CAMTA1: variants seen among roughly 807,000 people sequenced by gnomAD.
CAMTA1 encodes the protein calmodulin-binding transcription activator 1.
A neutral mutation model predicts 170.9 loss-of-function variants in CAMTA1; 27 were observed. That is an observed-to-expected ratio of 0.16 (90% CI 0.12 to 0.22). CAMTA1 has a LOEUF of 0.22. Among genes scored for constraint, CAMTA1 ranks in the 10% least tolerant of loss-of-function variants. The pLI is 1.00. For synonymous variants in CAMTA1, 833 were observed against 891.5 expected (o/e 0.93, Z 1.17); for missense variants, 1,619 against 2,217.2 (o/e 0.73, Z 5.42).
chr1:7,512,386 C>A (rs2094213357), intron 6 of CAMTA1, among the ~76,000 whole-genome samples: 1 of 152,166 alleles, frequency 6.6e-6, no homozygotes, highest in African/African-American at 2.4e-5. Context: ...GATGCAATTT[C>A]AAATGGTGGG....
chr1:7,152,612 C>T (rs979001400), intron 4 of CAMTA1, among the ~76,000 whole-genome samples: 4 of 152,248 alleles, frequency 2.6e-5, no homozygotes, highest in Non-Finnish European at 5.9e-5. Flanking sequence ...TGTCAAGTGC[C>T]TCCTCAGGGA....
intron 3 of CAMTA1, among the ~76,000 whole-genome samples, chr1:6,961,320 G>A (rs1316549407): frequency 1.3e-5 from 2 of 152,176 alleles, no homozygotes; most frequent in African/African-American, 4.8e-5. Flanking sequence ...GAGGCCAGAG[G>A]GACTGACCTA....
At chr1:7,721,854 T>C (rs1405085488) in intron 11 of CAMTA1, among the ~76,000 whole-genome samples, 2 of 152,124 alleles carry the variant, frequency 1.3e-5, no homozygotes, top group African/African-American at 4.8e-5. Flanking sequence ...CCTCAGGTGA[T>C]CCGCCCACCT....
chr1:7,048,136 A>G (rs1705710275), intron 3 of CAMTA1, among the ~76,000 whole-genome samples: 1 of 151,944 alleles, frequency 6.6e-6, no homozygotes, highest in Non-Finnish European at 1.5e-5. Flanking sequence ...GGGAGGGTGG[A>G]GGCTTCCTGG....
Position 7,462,743 on chromosome 1 carries a change from G to T in CAMTA1, c.439-5087G>T, listed in dbSNP as rs765450359. Among the ~76,000 whole-genome samples, 29 of 152,148 alleles carry T rather than the reference G, an allele frequency of 1.9e-4. 2 individuals are homozygous for T. The highest frequency in any genetic ancestry group is 2.1e-4 in the South Asian group (1 of 4,826). The stretch of plus-strand genomic sequence containing the variant: ...CTCCTGCCGCTCCTCCCCTGCCCTG[G>T]CAGGGACCTAGTAACCCCCGAGGCC... On this transcript the variant is annotated intron_variant, in intron 5 of 22. Transcript: ENST00000303635.
chr1:6,913,883 T>C lies in CAMTA1; in HGVS notation c.234+88673T>C, dbSNP rs138356425. On this transcript the variant is annotated intron_variant, in intron 3 of 22. Transcript: ENST00000303635. ...GGCGTAGGAGCAGGTAATGATGAAT[T>C]TGGAGGCAAATGAGTAGTATTTTTG... Among the ~76,000 whole-genome samples, 176 of 152,076 alleles carry C rather than the reference T, an allele frequency of 1.2e-3. 2 individuals are homozygous for C. Among genetic ancestry groups the C allele is most frequent in the African/African-American group, 4.1e-3 (169 of 41,490 alleles).
At position 7,641,202 on chromosome 1, in the gene CAMTA1, T is replaced by G. The variant is rs1220450987; in HGVS notation, c.664+649T>G. Among the ~76,000 whole-genome samples the G allele has an allele frequency of 6.6e-6, 1 of 152,240 alleles. No homozygotes were observed. The highest frequency in any genetic ancestry group is 2.4e-5 in the African/African-American group (1 of 41,474). On this transcript the variant is annotated intron_variant, in intron 7 of 22. Transcript: ENST00000303635. The surrounding 1 kb of genome is among the most constrained non-coding windows in gnomAD (Gnocchi z 4.5). Reference sequence around the variant, plus strand: ...GCCGCTGGCGGCTCTCAGTGGCTTCTCCTGCCCCCTGTTCAGCGGGGCTCG... The same window carrying G: ...GCCGCTGGCGGCTCTCAGTGGCTTCGCCTGCCCCCTGTTCAGCGGGGCTCG...
intron 5 of CAMTA1, among the ~76,000 whole-genome samples, chr1:7,266,610 G>A (rs973280338): frequency 5.3e-5 from 8 of 152,226 alleles, no homozygotes; most frequent in African/African-American, 1.9e-4. Flanking sequence ...GGACAGAGGA[G>A]TGCAAGAAGT....
chr1:7,492,599 GCACA>G lies in CAMTA1; in HGVS notation c.510+24709_510+24712del, dbSNP rs1327204408. The stretch of plus-strand genomic sequence containing the variant: ...CGCAAACCTACATACACACACGCGT[GCACA>G]CACACACACAAATGTACATACACGC... On this transcript the variant is annotated intron_variant, in intron 6 of 22. Transcript: ENST00000303635. 3.0e-3 allele frequency among the ~76,000 whole-genome samples: 439 copies of G among 146,168 alleles called. 1 individual carries two copies. Among genetic ancestry groups the G allele is most frequent in the Non-Finnish European group, 2.7e-3 (176 of 66,254 alleles).
At chr1:7,691,099 G>A (rs181324518) in intron 11 of CAMTA1, among the ~76,000 whole-genome samples, 2 of 152,334 alleles carry the variant, frequency 1.3e-5, no homozygotes, top group Admixed American at 1.3e-4. Flanking sequence ...AGCATTTGGG[G>A]ACCTTATGAT....
intron 6 of CAMTA1, among the ~76,000 whole-genome samples, chr1:7,498,868 ATGAG>A (rs564289840): frequency 0.058 from 7,706 of 132,974 alleles, 269 homozygotes; most frequent in South Asian, 0.14. Context: ...GTGTGTGTGC[ATGAG>A]TGAGTGTGTA....
At chr1:7,295,125 G>C (rs143438304) in intron 5 of CAMTA1, among the ~76,000 whole-genome samples, 1 of 152,196 alleles carries the variant, frequency 6.6e-6, no homozygotes, top group Non-Finnish European at 1.5e-5. Context: ...GACTCGGGCA[G>C]TTATGTAACC....
At chr1:7,084,114 A>T (rs1640399704) in intron 3 of CAMTA1, among the ~76,000 whole-genome samples, 1 of 152,126 alleles carries the variant, frequency 6.6e-6, no homozygotes, top group Non-Finnish European at 1.5e-5. Flanking sequence ...GACTGTATAG[A>T]CTATAGAGAG....
intron 6 of CAMTA1, among the ~76,000 whole-genome samples, chr1:7,591,609 T>C (rs1383403520): frequency 6.6e-6 from 1 of 152,224 alleles, no homozygotes; most frequent in East Asian, 1.9e-4. Flanking sequence ...ACCCTCCCAT[T>C]TGGAGGGTCA....
At chr1:7,042,292 C>A (rs548152831) in intron 3 of CAMTA1, among the ~76,000 whole-genome samples, 38 of 152,322 alleles carry the variant, frequency 2.5e-4, no homozygotes, top group African/African-American at 8.7e-4. Context: ...GCTGCCCTGG[C>A]ACCATAGCCT....
chr1:7,564,793 A>G (rs2095016525), intron 6 of CAMTA1, among the ~76,000 whole-genome samples: 1 of 151,940 alleles, frequency 6.6e-6, no homozygotes, highest in Admixed American at 6.6e-5. Context: ...GGACAAGCAA[A>G]AGGCTGTGAG....
chr1:7,696,423 T>G (rs531428471), intron 11 of CAMTA1, among the ~76,000 whole-genome samples: 1 of 151,964 alleles, frequency 6.6e-6, no homozygotes, highest in Non-Finnish European at 1.5e-5. Flanking sequence ...CTCGAACACC[T>G]GACCTCGTGA....
Position 7,371,750 on chromosome 1 carries a change from C to T in CAMTA1, c.439-96080C>T, listed in dbSNP as rs191286908. 1.1e-3 allele frequency among the ~76,000 whole-genome samples: 172 copies of T among 152,328 alleles called. 1 individual carries two copies. The highest frequency in any genetic ancestry group is 1.9e-3 in the Non-Finnish European group (126 of 68,036). On this transcript the variant is annotated intron_variant, in intron 5 of 22. Transcript: ENST00000303635. ...CCGACATTCATTTGACAGATGAACC[C>T]GTTTCCATGATCTTCAGTTTAGGGC... is the stretch of plus-strand genomic sequence containing the variant.
At chr1:7,474,969 C>A (rs971026423) in intron 6 of CAMTA1, among the ~76,000 whole-genome samples, 1 of 152,202 alleles carries the variant, frequency 6.6e-6, no homozygotes, top group Admixed American at 6.5e-5. Flanking sequence ...AAGTGGGACA[C>A]CCTGAAGAGT....
Sources: gnomAD v4.1 joint callset for allele counts (sites outside exome capture counted in the v4.1 genomes callset) on GRCh38, gnomAD v4.1.1 for gene constraint, Gnocchi (gnomAD v3.1) non-coding constraint, MANE v1.5 for transcripts, NCBI Gene and HGNC (gene_info 2026-07-23, HGNC 2026-07-21) for gene names.